PRKAG2: variants seen among roughly 807,000 people sequenced by gnomAD.
PRKAG2 encodes protein kinase AMP-activated non-catalytic subunit gamma 2.
In PRKAG2, 26 loss-of-function variants were observed where a neutral mutation model predicts 69.6. That is an observed-to-expected ratio of 0.37 (90% confidence interval 0.27 to 0.52). The LOEUF (loss-of-function observed/expected upper bound fraction) is 0.52. Among genes scored for constraint, PRKAG2 ranks in the 20% least tolerant of loss-of-function variants. The pLI is 0.90. For missense variants in PRKAG2, 557 were observed against 740.0 expected (o/e 0.75, Z 2.87); for synonymous variants, 293 against 285.0 (o/e 1.03, Z -0.28).
At chr7:151,640,662 G>GCCTTCCTT (rs10655187) in intron 4 of PRKAG2, among the ~76,000 whole-genome samples, 109 of 151,142 alleles carry the variant, frequency 7.2e-4, no homozygotes, top group African/African-American at 2.4e-3. Flanking sequence ...TTCCCCCACC[G>GCCTTCCTT]CCTTCCTTCC....
intron 1 of PRKAG2, among the ~76,000 whole-genome samples, chr7:151,855,158 T>TCCACACACACCGC (rs2079700653): frequency 2.5e-4 from 1 of 4,040 alleles, no homozygotes; most frequent in Non-Finnish European, 4.0e-4. Flanking sequence ...ACACACACCA[T>TCCACACACACCGC]CCTCCACACA....
At chr7:151,789,314 G>C (rs2077161220) in intron 1 of PRKAG2, among the ~76,000 whole-genome samples, 2 of 152,126 alleles carry the variant, frequency 1.3e-5, no homozygotes, top group African/African-American at 2.4e-5. Context: ...TTATTTGCGT[G>C]TCTTCTTTCA....
intron 3 of PRKAG2, among the ~76,000 whole-genome samples, chr7:151,772,778 G>A (rs1030078276): frequency 6.6e-6 from 1 of 151,858 alleles, no homozygotes; most frequent in African/African-American, 2.4e-5. Context: ...TTGAGTACAG[G>A]AGCTTGAGAC....
intron 3 of PRKAG2, among the ~76,000 whole-genome samples, chr7:151,772,436 C>T (rs545270727): frequency 3.3e-5 from 5 of 152,332 alleles, no homozygotes; most frequent in African/African-American, 1.2e-4. Context: ...TTATGCATTT[C>T]TCTCTTAGAC....
intron 1 of PRKAG2, among the ~76,000 whole-genome samples, chr7:151,832,405 G>A (rs1040763947): frequency 1.3e-5 from 2 of 152,146 alleles, no homozygotes; most frequent in African/African-American, 4.8e-5. Flanking sequence ...AGTGTTCACA[G>A]TGCCTTCCCA....
chr7:151,867,153 G>C (rs1464761198), intron 1 of PRKAG2, among the ~76,000 whole-genome samples: 1 of 152,228 alleles, frequency 6.6e-6, no homozygotes, highest in Non-Finnish European at 1.5e-5. Flanking sequence ...CACCTCTCCA[G>C]GCCATGCCAT....
At chr7:151,730,459 A>G (rs1449112139) in intron 3 of PRKAG2, among the ~76,000 whole-genome samples, 1 of 152,246 alleles carries the variant, frequency 6.6e-6, no homozygotes, top group Non-Finnish European at 1.5e-5. Flanking sequence ...TGAGCCCAGG[A>G]GTTCGAGACC....
At chr7:151,569,288 G>T (rs1370821648) in intron 10 of PRKAG2, among the ~76,000 whole-genome samples, 2 of 152,260 alleles carry the variant, frequency 1.3e-5, no homozygotes, top group African/African-American at 4.8e-5. Flanking sequence ...ACCCACCATG[G>T]CCTCCCATAG....
At chr7:151,619,377 C>T (rs1435102449) in intron 5 of PRKAG2, among the ~76,000 whole-genome samples, 1 of 152,128 alleles carries the variant, frequency 6.6e-6, no homozygotes, top group African/African-American at 2.4e-5. Flanking sequence ...CGTAAAATCC[C>T]AAATGCTCCA....
chr7:151,795,178 C>A (rs983595836), intron 1 of PRKAG2, among the ~76,000 whole-genome samples: 1 of 152,218 alleles, frequency 6.6e-6, no homozygotes, highest in Non-Finnish European at 1.5e-5. Context: ...GAGTGGGGGG[C>A]AGGGGCAGCA....
chr7:151,568,584 C>T (rs1806818437), intron 11 of PRKAG2, 132 bp downstream of exon 11: 1 of 941,416 alleles, frequency 1.1e-6, no homozygotes, highest in Non-Finnish European at 1.6e-6. Context: ...AGTTGAGAAA[C>T]TGAAGTTTAG....
chr7:151,848,290 G>A (rs1328572212), intron 1 of PRKAG2, among the ~76,000 whole-genome samples: 1 of 152,096 alleles, frequency 6.6e-6, no homozygotes, highest in Admixed American at 6.5e-5. Flanking sequence ...GAGCTGGAAG[G>A]AACCAGTGAG....
Position 151,836,947 on chromosome 7 carries a change from G to A in PRKAG2, c.114+39560C>T, listed in dbSNP as rs185803393. Among the ~76,000 whole-genome samples, 7 of 152,230 alleles carry A rather than the reference G, an allele frequency of 4.6e-5. No homozygotes were observed. The highest frequency in any genetic ancestry group is 1.2e-4 in the African/African-American group (5 of 41,550). ...GCCAGCTTGCGGGGACCCCCGAGACGAGGTCCCTGCCAGACTGCCAATGTT... is the reference window on the plus strand; with the variant it reads ...GCCAGCTTGCGGGGACCCCCGAGACAAGGTCCCTGCCAGACTGCCAATGTT... On this transcript the variant is annotated intron_variant, in intron 1 of 15. Coordinates refer to ENST00000287878, the MANE Select transcript of PRKAG2 (RefSeq NM_016203.4). The surrounding 1 kb of genome is among the most constrained non-coding windows in gnomAD (Gnocchi z 4.1).
At chr7:151,684,905 G>A (rs1189072426) in intron 3 of PRKAG2, among the ~76,000 whole-genome samples, 3 of 152,170 alleles carry the variant, frequency 2.0e-5, no homozygotes, top group Non-Finnish European at 4.4e-5. Context: ...ATCACCTGGA[G>A]ACGTAAGAAA....
intron 4 of PRKAG2, among the ~76,000 whole-genome samples, chr7:151,639,387 A>G (rs560017004): frequency 6.6e-6 from 1 of 152,134 alleles, no homozygotes; most frequent in South Asian, 2.1e-4. Context: ...ATTTGAATCC[A>G]GTCATCTTGA....
chr7:151,559,904 A>C, intron 15 of PRKAG2: 4 of 985,302 alleles, frequency 4.1e-6, no homozygotes, highest in Non-Finnish European at 4.8e-6. Flanking sequence ...ACCTCTTACT[A>C]CTGAGTGTGT....
chr7:151,869,768 A>G (rs983268379), intron 1 of PRKAG2, among the ~76,000 whole-genome samples: 6 of 152,282 alleles, frequency 3.9e-5, no homozygotes, highest in African/African-American at 1.2e-4. Flanking sequence ...GCCCTCTCAC[A>G]CCCAGCGTGC....
intron 6 of PRKAG2, among the ~76,000 whole-genome samples, chr7:151,584,029 T>A (rs1811071119): frequency 6.6e-6 from 1 of 152,190 alleles, no homozygotes; most frequent in African/African-American, 2.4e-5. Flanking sequence ...AAATTAACGC[T>A]GATATCTACT....
intron 6 of PRKAG2, among the ~76,000 whole-genome samples, chr7:151,587,646 A>G (rs980965417): frequency 6.6e-6 from 1 of 152,152 alleles, no homozygotes; most frequent in Admixed American, 6.5e-5. Context: ...ATGATAAATC[A>G]TCATGCAAAT....
Sources: allele counts gnomAD v4.1 joint callset (sites outside exome capture counted in the v4.1 genomes callset), GRCh38; gene constraint gnomAD v4.1.1; non-coding constraint Gnocchi (gnomAD v3.1); transcripts MANE v1.5; gene names NCBI Gene and HGNC (gene_info 2026-07-23, HGNC 2026-07-21).